Variants in EP300 observed in about 807,000 individuals in gnomAD.
The protein encoded by EP300 is histone acetyltransferase p300.
Under a neutral mutation model 264.0 loss-of-function variants are expected in EP300, and 31 were observed. The observed-to-expected ratio is 0.12, with a 90% confidence interval of 0.09 to 0.16. EP300 has a LOEUF of 0.16. Ranked by LOEUF, EP300 falls within the 10% of genes least tolerant of loss-of-function variation. The pLI, the probability that EP300 is intolerant of heterozygous loss-of-function variation, is 1.00. For missense variants in EP300, 2,766 were observed against 3,052.9 expected (o/e 0.91, Z 2.21); for synonymous variants, 1,340 against 1,045.4 (o/e 1.28, Z -5.44).
In EP300 at chr22:41,179,616, A is replaced by G. The variant is rs1457953154; in HGVS notation, c.*660A>G. 1.4e-5 allele frequency: 3 copies of G among 220,580 alleles called. No homozygotes were observed. The highest frequency in any genetic ancestry group is 2.7e-5 in the Non-Finnish European group (3 of 110,432). 13.7% of individuals were successfully genotyped at this position (220,580 alleles called of 1,614,324 possible). A position where few individuals can be genotyped will look rare whatever the true frequency, so the allele number is the denominator to read the frequency against. On this transcript the variant is annotated 3_prime_UTR_variant, in exon 31 of 31. Coordinates refer to ENST00000263253, the MANE Select transcript of EP300 (RefSeq NM_001429.4). The stretch of plus-strand genomic sequence containing the variant: ...TTTTCTATTCTGTAAGTCTGAGCGT[A>G]AAACTTCAAGTATTAAAATAATTTG...
chr22:41,140,784 C>T (rs1011018858), intron 9 of EP300, among the ~76,000 whole-genome samples: 1 of 152,090 alleles, frequency 6.6e-6, no homozygotes, highest in African/African-American at 2.4e-5. Flanking sequence ...GACCTTGTCT[C>T]TCTCAAAAAC....
Position 41,178,562 on chromosome 22 carries a change from T to C in EP300, c.6851T>C (p.Met2284Thr), listed in dbSNP as rs1416377023. 1.2e-6 allele frequency: 2 copies of C among 1,613,816 alleles called. No individual in the cohort carries two copies. The highest frequency in any genetic ancestry group is 1.3e-5 in the African/African-American group (1 of 74,804). The change falls in exon 31 of 31, where the codon ATG (methionine) becomes ACG (threonine). Residue 2284 changes from methionine to threonine, a missense_variant. By Grantham distance (81) the Met-to-Thr change is moderately conservative. Coordinates refer to ENST00000263253, the MANE Select transcript of EP300 (RefSeq NM_001429.4). ...QPNPMSPQQH[M>T]LPNQAQSPHL... ...AACCCCATGAGCCCCCAGCAGCATA[T>C]GCTCCCAAATCAGGCCCAGTCCCCA...
At chr22:41,145,438 C>T (rs953438093) in intron 10 of EP300, among the ~76,000 whole-genome samples, 1 of 152,298 alleles carries the variant, frequency 6.6e-6, no homozygotes, top group African/African-American at 2.4e-5. Flanking sequence ...GTCTTCCTCT[C>T]CTATGCCTGA....
chr22:41,102,386 T>TA (rs1324575727), intron 1 of EP300, among the ~76,000 whole-genome samples: 2 of 152,030 alleles, frequency 1.3e-5, no homozygotes, highest in Non-Finnish European at 2.9e-5. Context: ...ATCTCACAGA[T>TA]AGAGATAGGA....
chr22:41,176,276 C>T lies in EP300; in HGVS notation c.4809C>T (p.Gly1603=), dbSNP rs2145512253. ...TCTTTGTGATCCGCCTCATTGCTGG[C>T]CCTGCTGCCAACTCCCTGCCTCCCA... is the stretch of plus-strand genomic sequence containing the variant. The part of the protein sequence containing the change: ...EVFFVIRLIA[G]PAANSLPPIV... The change falls in exon 30 of 31, where the codon GGC becomes GGT. Residue 1603 remains glycine, a synonymous_variant. Transcript: ENST00000263253. The T allele has an allele frequency of 1.2e-6, 2 of 1,614,168 alleles. No homozygotes were observed. The highest frequency in any genetic ancestry group is 1.7e-6 in the Non-Finnish European group (2 of 1,180,020).
At chr22:41,164,151 T>A in intron 22 of EP300, 21 bp downstream of exon 22, 2 of 1,610,658 alleles carry the variant, frequency 1.2e-6, no homozygotes, top group Non-Finnish European at 1.7e-6. Context: ...ACGTTGTTAC[T>A]TTCTCTGGAA....
rs761640420 is a variant in EP300 at position 41,147,826 on chromosome 22, C to T, written c.2132-11C>T. 11 of 1,589,996 alleles carry T rather than the reference C, an allele frequency of 6.9e-6. No individual in the cohort carries two copies. Among genetic ancestry groups the T allele is most frequent in the Non-Finnish European group, 9.5e-6 (11 of 1,158,116 alleles). ...AGGCATTCAGATCTAACATTTTGCTCATATTCACAGGTTTGAATCAATTTG... is the reference window on the plus strand; with the variant it reads ...AGGCATTCAGATCTAACATTTTGCTTATATTCACAGGTTTGAATCAATTTG... On this transcript the variant is annotated splice_polypyrimidine_tract_variant and intron_variant, in intron 11 of 30. Coordinates refer to ENST00000263253, the MANE Select transcript of EP300 (RefSeq NM_001429.4).
At chr22:41,176,731 A>G (rs748178812) in intron 30 of EP300, 42 bp from the exon 31 acceptor site, 1 of 1,613,344 alleles carries the variant, frequency 6.2e-7, no homozygotes, top group African/African-American at 1.3e-5. Flanking sequence ...TGAATGACTT[A>G]AATCTTGGAG....
chr22:41,157,407 A>G lies in EP300; in HGVS notation c.3500A>G (p.Lys1167Arg), dbSNP rs748766837. The G allele has an allele frequency of 1.2e-5, 20 of 1,613,768 alleles. No homozygotes were observed. The highest frequency in any genetic ancestry group is 6.8e-6 in the Non-Finnish European group (8 of 1,179,980). ...AGCCTTGGATACTGTTGTGGCAGAA[A>G]GGTAAGAAATGTGTTTCAGATTTGA... ...MQSLGYCCGR[K>R]LEFSPQTLCC... The change falls in exon 18 of 31, where the codon AAG (lysine) becomes AGG (arginine). Residue 1167 changes from lysine (K) to arginine (R), a missense_variant and splice_region_variant. Physicochemically the swap from Lys to Arg is conservative, Grantham distance 26 (BLOSUM62 2). Transcript: ENST00000263253.
intron 5 of EP300, 80 bp downstream of exon 5, chr22:41,130,083 T>C (rs1811939862): frequency 9.8e-7 from 1 of 1,024,202 alleles, no homozygotes; most frequent in Non-Finnish European, 1.5e-6. Context: ...TACTTGATTA[T>C]GTGAGGGACC....
In EP300 at chr22:41,143,028, G is replaced by A. The variant is rs1037833534; in HGVS notation, c.2053+1806G>A. Among the ~76,000 whole-genome samples, 15 of 152,236 alleles carry A rather than the reference G, an allele frequency of 9.9e-5. No individual in the cohort carries two copies. In the East Asian group the frequency reaches 1.2e-3, roughly 12 times the overall value. ...TCAGTATAAACAGTATGGTACTGAT[G>A]TAAGCAGGAATAAGTGGTAGTGGAA... On this transcript the variant is annotated intron_variant, in intron 10 of 30. Coordinates refer to ENST00000263253, the MANE Select transcript of EP300 (RefSeq NM_001429.4).
intron 11 of EP300, among the ~76,000 whole-genome samples, chr22:41,147,606 C>T (rs561885385): frequency 1.6e-4 from 24 of 152,052 alleles, no homozygotes; most frequent in African/African-American, 5.3e-4. Context: ...GGTGTGGTGG[C>T]GGACGCCTGT....
At chr22:41,167,584 G>GTGTGTGTA (rs869093144) in intron 23 of EP300, among the ~76,000 whole-genome samples, 1 of 34,498 alleles carries the variant, frequency 2.9e-5, no homozygotes, top group Non-Finnish European at 4.8e-5. Flanking sequence ...GTGTGTGTGT[G>GTGTGTGTA]TATATATATA....
At chr22:41,097,367 G>A (rs1239656824) in intron 1 of EP300, among the ~76,000 whole-genome samples, 2 of 152,218 alleles carry the variant, frequency 1.3e-5, no homozygotes, top group East Asian at 3.8e-4. Flanking sequence ...TAATAGGGAG[G>A]AGGGAGGAAA....
intron 1 of EP300, among the ~76,000 whole-genome samples, chr22:41,106,244 A>G (rs1055581228): frequency 2.0e-5 from 3 of 152,236 alleles, no homozygotes; most frequent in African/African-American, 4.8e-5. Flanking sequence ...TTGTAAGAGT[A>G]GGAGTGTCCA....
intron 1 of EP300, 85 bp from the exon 2 acceptor site, chr22:41,117,102 T>G (rs925546499): frequency 1.7e-6 from 2 of 1,168,606 alleles, no homozygotes; most frequent in Non-Finnish European, 2.5e-6. Context: ...GAAATGACAT[T>G]TAATGCTTAT....
rs747009952 is a variant in EP300, at chr22:41,176,354, G to T, written c.4887G>T (p.Ala1629=). The part of the protein sequence containing the change: ...IPCDLMDGRD[A]FLTLARDKHL... ...GCGATCTGATGGATGGTCGGGATGC[G>T]TTTCTCACGCTGGCAAGGGACAAGC... is the stretch of plus-strand genomic sequence containing the variant. The change falls in exon 30 of 31, where the codon GCG becomes GCT. Residue 1629 remains alanine (A), a synonymous_variant. Coordinates refer to ENST00000263253, the MANE Select transcript of EP300 (RefSeq NM_001429.4). 2 of 1,614,218 alleles carry T rather than the reference G, an allele frequency of 1.2e-6. No homozygotes were observed. Among genetic ancestry groups the T allele is most frequent in the Admixed American group, 1.7e-5 (1 of 60,030 alleles).
chr22:41,094,902 T>A (rs1035642571), intron 1 of EP300, among the ~76,000 whole-genome samples: 1 of 152,180 alleles, frequency 6.6e-6, no homozygotes, highest in Non-Finnish European at 1.5e-5. Flanking sequence ...TGCTACTACT[T>A]TCTCCATGTC....
intron 6 of EP300, among the ~76,000 whole-genome samples, chr22:41,134,847 C>T (rs1051751810): frequency 1.3e-5 from 2 of 152,128 alleles, no homozygotes; most frequent in African/African-American, 4.8e-5. Context: ...TGGACACTAG[C>T]ATATTTTCCC....
Sources: gnomAD v4.1 joint callset for allele counts (sites outside exome capture counted in the v4.1 genomes callset) on GRCh38, gnomAD v4.1.1 for gene constraint, MANE v1.5 for transcripts, NCBI Gene and HGNC (gene_info 2026-07-23, HGNC 2026-07-21) for gene names.